The following DORIP1 variants were observed in gnomAD, a reference collection of about 807,000 sequenced individuals.
The protein encoded by DORIP1 is dopamine receptor-interacting protein 1.
At chr14:44,900,397 C>T in the DORIP1 span, 5,986 of 1,401,488 alleles carry the variant, frequency 4.3e-3, 56 homozygotes, top group South Asian at 0.024. Context: ...TACAAAGTTA[C>T]AATTTTATGT....
At chr14:44,899,000 C>T in the DORIP1 span, 1 of 152,166 alleles carries the variant, frequency 6.6e-6, no homozygotes. Flanking sequence ...AGACACTGAT[C>T]TCAGTCACTC....
chr14:44,900,414 T>C, the DORIP1 span: 5 of 1,432,936 alleles, frequency 3.5e-6, no homozygotes, highest in South Asian at 3.5e-5. Flanking sequence ...ATGTGTTCTG[T>C]TTTAAACTTT....
chr14:44,901,105 T>C, the DORIP1 span: 1 of 748,656 alleles, frequency 1.3e-6, no homozygotes. Context: ...GTATATTTAG[T>C]ATACCTTTCT....
At chr14:44,905,551 A>G in the DORIP1 span, 1 of 1,485,776 alleles carries the variant, frequency 6.7e-7, no homozygotes, top group Non-Finnish European at 9.1e-7. Flanking sequence ...AGAGAAATAA[A>G]TATAGATTGA....
the DORIP1 span, chr14:44,905,996 T>A: frequency 6.7e-6 from 1 of 149,844 alleles, no homozygotes; most frequent in Admixed American, 6.8e-5. Flanking sequence ...CCTACCTCAC[T>A]ATAATCCAAA....
At chr14:44,906,786 C>T in the DORIP1 span, 1 of 152,676 alleles carries the variant, frequency 6.5e-6, no homozygotes, top group Non-Finnish European at 1.5e-5. Flanking sequence ...ATCTGCTGAA[C>T]TGCTAAAGTG....
At chr14:44,902,437 C>T in the DORIP1 span, among the ~76,000 whole-genome samples, 1 of 152,122 alleles carries the variant, frequency 6.6e-6, no homozygotes, top group Non-Finnish European at 1.5e-5. Flanking sequence ...AAGAGATCCT[C>T]CTGTCTCAGC....
chr14:44,906,405 G>A, the DORIP1 span: 1 of 151,974 alleles, frequency 6.6e-6, no homozygotes, highest in Admixed American at 6.6e-5. Context: ...TATATTTAAG[G>A]GGAAATGCGT....
chr14:44,903,186 T>G, the DORIP1 span: 1 of 1,526,960 alleles, frequency 6.5e-7, no homozygotes. Context: ...AGTTCTTACA[T>G]GCATTTAATA....
chr14:44,905,600 G>C, the DORIP1 span: 268 of 1,289,174 alleles, frequency 2.1e-4, 2 homozygotes, highest in South Asian at 5.1e-3. Flanking sequence ...TGCTCTCCCA[G>C]ATGAAGGGCT....
the DORIP1 span, chr14:44,904,439 G>A: frequency 6.2e-7 from 1 of 1,611,088 alleles, no homozygotes; most frequent in Non-Finnish European, 8.5e-7. Flanking sequence ...TTCTGCCATG[G>A]GGCACCCCCT....
At chr14:44,901,090 A>G in the DORIP1 span, 1 of 855,974 alleles carries the variant, frequency 1.2e-6, no homozygotes, top group East Asian at 2.7e-5. Flanking sequence ...GGTTTGTAGG[A>G]TACTGTATAT....
chr14:44,905,575 T>A, the DORIP1 span: 1 of 1,448,842 alleles, frequency 6.9e-7, no homozygotes, highest in Non-Finnish European at 9.3e-7. Context: ...TAAAAGTTGT[T>A]TTCCCTCCTG....
chr14:44,905,428 C>T, the DORIP1 span: 2 of 1,566,842 alleles, frequency 1.3e-6, no homozygotes, highest in Non-Finnish European at 1.7e-6. Flanking sequence ...TGCAGCTTTC[C>T]AGATTGGTGG....
At chr14:44,904,800 C>A in the DORIP1 span, 1 of 283,740 alleles carries the variant, frequency 3.5e-6, no homozygotes, top group Non-Finnish European at 6.5e-6. Flanking sequence ...AACAACTTAA[C>A]CAGTTTACAT....
chr14:44,902,410 G>GTTGAC, the DORIP1 span, among the ~76,000 whole-genome samples: 1 of 152,056 alleles, frequency 6.6e-6, no homozygotes, highest in Non-Finnish European at 1.5e-5. Context: ...TCACTGCAAC[G>GTTGAC]TTGACTTCCT....
chr14:44,903,416 C>G, the DORIP1 span: 9 of 1,462,674 alleles, frequency 6.2e-6, no homozygotes, highest in South Asian at 7.4e-5. Context: ...TGACATTTTA[C>G]AGTGTTTTTG....
chr14:44,904,399 G>C, the DORIP1 span: 4 of 1,610,172 alleles, frequency 2.5e-6, no homozygotes, highest in African/African-American at 5.4e-5. Context: ...TTTTAGGTGT[G>C]GTGGCTTAAG....
At chr14:44,905,398 A>G in the DORIP1 span, 4 of 1,543,282 alleles carry the variant, frequency 2.6e-6, no homozygotes, top group East Asian at 6.8e-5. Context: ...ATTATTTAAC[A>G]AAGAGGAACA....
Sources: gnomAD v4.1 joint callset for allele counts (sites outside exome capture counted in the v4.1 genomes callset) on GRCh38, gnomAD v4.1.1 for gene constraint, MANE v1.5 for transcripts, NCBI Gene and HGNC (gene_info 2026-07-23, HGNC 2026-07-21) for gene names.